ADD1: variants seen among roughly 807,000 people sequenced by gnomAD.
ADD1 encodes the protein alpha-adducin.
A neutral mutation model predicts 80.5 loss-of-function variants in ADD1; 24 were observed. The ratio of observed to expected loss-of-function variants is 0.30; its 90% CI spans 0.22 to 0.42. The LOEUF is 0.42. Among genes scored for constraint, ADD1 ranks in the 10% least tolerant of loss-of-function variants. The probability of loss-of-function intolerance (pLI) is 1.00; values close to 1 mark genes in which losing one functional copy is unlikely to be tolerated. For synonymous variants in ADD1, 373 were observed against 393.8 expected, an observed-to-expected ratio of 0.95 and a Z score of 0.63; for missense variants, 948 against 1,019.0, an observed-to-expected ratio of 0.93 and a Z score of 0.95.
intron 9 of ADD1, chr4:2,900,418 C>A (rs1404734647): frequency 6.6e-6 from 1 of 152,282 alleles, no homozygotes; most frequent in African/African-American, 2.4e-5. Flanking sequence ...GCCACATGAC[C>A]TCAAGTGGTG....
intron 1 of ADD1, among the ~76,000 whole-genome samples, chr4:2,874,760 C>CT (rs2108887252): frequency 6.6e-6 from 1 of 151,978 alleles, no homozygotes; most frequent in African/African-American, 2.4e-5. Flanking sequence ...ATAAAAATAT[C>CT]TTTTTTGCAT....
chr4:2,849,235 G>A (rs935761578), intron 1 of ADD1, among the ~76,000 whole-genome samples: 2 of 152,090 alleles, frequency 1.3e-5, no homozygotes, highest in African/African-American at 4.8e-5. Flanking sequence ...GTCAGCAAAT[G>A]ACTTATATTA....
At chr4:2,883,613 A>G (rs1422954412) in intron 3 of ADD1, among the ~76,000 whole-genome samples, 1 of 151,856 alleles carries the variant, frequency 6.6e-6, no homozygotes, top group African/African-American at 2.4e-5. Context: ...AGCTCACTAC[A>G]ACCTTGAACT....
Position 2,928,595 on chromosome 4 carries a change from C to T in ADD1, c.*72C>T. The T allele has an allele frequency of 1.3e-6, 2 of 1,511,090 alleles. No individual in the cohort carries two copies. The highest frequency in any genetic ancestry group is 1.8e-6 in the Non-Finnish European group (2 of 1,107,448). The allele number at this position is 1,511,090 out of a possible 1,614,324, so 93.6% of individuals were successfully genotyped here. On this transcript the variant is annotated 3_prime_UTR_variant, in exon 16 of 16. Coordinates refer to ENST00000683351, the MANE Select transcript of ADD1 (RefSeq NM_001354761.2). ...CAGCGTCCCCGGCCACGTCTGTGCT[C>T]TGTCCTTGTGTAATGGAATGCAAAA...
chr4:2,914,898 G>T lies in ADD1; in HGVS notation c.1806G>T (p.Thr602=), dbSNP rs1486895901. The T allele has an allele frequency of 6.2e-7, 1 of 1,611,632 alleles. No homozygotes were observed. Among genetic ancestry groups the T allele is most frequent in the Non-Finnish European group, 8.5e-7 (1 of 1,178,774 alleles). The change falls in exon 14 of 16, where the codon ACG becomes ACT. Residue 602 remains threonine (T), a synonymous_variant. Coordinates refer to ENST00000683351, the MANE Select transcript of ADD1 (RefSeq NM_001354761.2). ...SLSFRKGELV[T]ASKAIIEKEY... ...TTCATCCACAGGGAGAGCTGGTGAC[G>T]GCCTCCAAGGCCATCATTGAAAAGG...
intron 1 of ADD1, among the ~76,000 whole-genome samples, chr4:2,855,219 G>T (rs1251141625): frequency 6.6e-6 from 1 of 152,182 alleles, no homozygotes; most frequent in African/African-American, 2.4e-5. Context: ...ATTCAGACCT[G>T]TTAACTTGGG....
intron 4 of ADD1, among the ~76,000 whole-genome samples, chr4:2,886,642 G>A (rs1280242210): frequency 6.6e-6 from 1 of 152,194 alleles, no homozygotes; most frequent in Non-Finnish European, 1.5e-5. Context: ...CCGTGGCAAA[G>A]AGTAGGCATG....
chr4:2,912,615 C>G (rs1738266930), intron 13 of ADD1, among the ~76,000 whole-genome samples: 1 of 152,192 alleles, frequency 6.6e-6, no homozygotes, highest in African/African-American at 2.4e-5. Context: ...CAGCCTCGAC[C>G]TCTCAGGCCA....
At chr4:2,898,732 A>G (rs910423878) in intron 8 of ADD1, 7 of 583,072 alleles carry the variant, frequency 1.2e-5, no homozygotes, top group Admixed American at 9.0e-5. Flanking sequence ...TGGGCTTTTC[A>G]TTTCTAATTT....
At position 2,928,237 on chromosome 4, in the gene ADD1, ATCTGT is replaced by A. The variant is rs760155520; in HGVS notation, c.2115_2119del (p.Leu706ProfsTer2). ...GCCACCTTTAAGCCAACTCTCCCCG[ATCTGT>A]CCCCTGATGAACCTTCAGAAGCACT... On this transcript the variant is annotated frameshift_variant, in exon 16 of 16. Coordinates refer to ENST00000683351, the MANE Select transcript of ADD1 (RefSeq NM_001354761.2). LOFTEE classifies it low-confidence loss of function (END_TRUNC). 1 of 1,613,952 alleles carries A rather than the reference ATCTGT, an allele frequency of 6.2e-7. No individual in the cohort carries two copies. Among genetic ancestry groups the A allele is most frequent in the East Asian group, 2.2e-5 (1 of 44,852 alleles).
chr4:2,920,817 G>A (rs909845470), intron 14 of ADD1, among the ~76,000 whole-genome samples: 1 of 151,858 alleles, frequency 6.6e-6, no homozygotes, highest in Admixed American at 6.6e-5. Context: ...TTTTAATTGG[G>A]GCATTTTGCC....
chr4:2,866,188 A>G (rs1309709122), intron 1 of ADD1, among the ~76,000 whole-genome samples: 1 of 152,140 alleles, frequency 6.6e-6, no homozygotes. Context: ...TTATTTTTTG[A>G]GGCAGTCTCC....
chr4:2,893,059 G>A (rs923167632), intron 4 of ADD1, among the ~76,000 whole-genome samples: 2 of 152,122 alleles, frequency 1.3e-5, no homozygotes, highest in African/African-American at 4.8e-5. Flanking sequence ...TGGGACTACA[G>A]GTGCCTGCCA....
At position 2,908,509 on chromosome 4, in the gene ADD1, C is replaced by T; in HGVS notation, c.1609-6C>T. 2 of 1,613,682 alleles carry T rather than the reference C, an allele frequency of 1.2e-6. No homozygotes were observed. Among genetic ancestry groups the T allele is most frequent in the Non-Finnish European group, 1.7e-6 (2 of 1,179,572 alleles). On this transcript the variant is annotated splice_region_variant and splice_polypyrimidine_tract_variant and intron_variant, in intron 11 of 15. Coordinates refer to ENST00000683351, the MANE Select transcript of ADD1 (RefSeq NM_001354761.2). ...GTTGATGTGTGCCTCTCCTTCCCAC[C>T]CTCAGATCCGAGAGCAGAATTTACA...
At chr4:2,910,535 G>C (rs778930337) in intron 13 of ADD1, among the ~76,000 whole-genome samples, 6 of 152,062 alleles carry the variant, frequency 3.9e-5, no homozygotes, top group African/African-American at 1.4e-4. Context: ...ACTTTGTTGC[G>C]GTCTTGTCAG....
chr4:2,928,591 T>C lies in ADD1; in HGVS notation c.*68T>C. On this transcript the variant is annotated 3_prime_UTR_variant, in exon 16 of 16. Coordinates refer to ENST00000683351, the MANE Select transcript of ADD1 (RefSeq NM_001354761.2). Reference sequence around the variant, plus strand: ...CTGCCAGCGTCCCCGGCCACGTCTGTGCTCTGTCCTTGTGTAATGGAATGC... The same window carrying C: ...CTGCCAGCGTCCCCGGCCACGTCTGCGCTCTGTCCTTGTGTAATGGAATGC... 7.2e-6 allele frequency: 11 copies of C among 1,518,564 alleles called. No homozygotes were observed. The highest frequency in any genetic ancestry group is 9.0e-6 in the Non-Finnish European group (10 of 1,114,066). 94.1% of individuals were successfully genotyped at this position (1,518,564 alleles called of 1,614,324 possible).
chr4:2,909,092 C>A lies in ADD1; in HGVS notation c.1699-247C>A, dbSNP rs1737558940. ...TGAAGATAATTGTGTAAGTAGTTAT[C>A]TCTGAAAACTAATATGCCACCTAAT... On this transcript the variant is annotated intron_variant, in intron 12 of 15. Transcript: ENST00000683351. 5 of 542,110 alleles carry A rather than the reference C, an allele frequency of 9.2e-6. No individual in the cohort carries two copies. In the South Asian group the frequency reaches 1.1e-4, roughly 12 times the overall value. 33.6% of individuals were successfully genotyped at this position (542,110 alleles called of 1,614,324 possible).
intron 10 of ADD1, chr4:2,905,395 G>C (rs1273291399): frequency 4.6e-6 from 2 of 435,776 alleles, no homozygotes. Context: ...CTACAAATAG[G>C]AGCTCTTCTT....
intron 1 of ADD1, among the ~76,000 whole-genome samples, chr4:2,849,350 C>T (rs890944946): frequency 1.3e-5 from 2 of 152,126 alleles, no homozygotes; most frequent in African/African-American, 4.8e-5. Flanking sequence ...TTGATCTGAG[C>T]AATATATGCC....
Sources: gnomAD v4.1 joint callset for allele counts (sites outside exome capture counted in the v4.1 genomes callset) on GRCh38, gnomAD v4.1.1 for gene constraint, MANE v1.5 for transcripts, NCBI Gene and HGNC (gene_info 2026-07-23, HGNC 2026-07-21) for gene names.